Variants in FNIP1 observed in about 807,000 individuals in gnomAD.
The protein encoded by FNIP1 is folliculin interacting protein 1.
A neutral mutation model predicts 124.5 loss-of-function variants in FNIP1; 40 were observed. The ratio of observed to expected loss-of-function variants is 0.32; its 90% CI spans 0.25 to 0.42. The LOEUF (loss-of-function observed/expected upper bound fraction) is 0.42, where lower values mean the gene tolerates loss of function less well. Ranked by LOEUF, FNIP1 falls within the 10% of genes least tolerant of loss-of-function variation. The pLI, the probability that FNIP1 is intolerant of heterozygous loss-of-function variation, is 1.00. For missense variants in FNIP1, 1,176 were observed against 1,403.7 expected, an observed-to-expected ratio of 0.84 and a Z score of 2.59; for synonymous variants, 472 against 470.6, an observed-to-expected ratio of 1.00 and a Z score of -0.04.
intron 1 of FNIP1, among the ~76,000 whole-genome samples, chr5:131,786,799 C>T (rs1477997157): frequency 2.0e-5 from 3 of 152,180 alleles, no homozygotes; most frequent in Non-Finnish European, 4.4e-5. Flanking sequence ...ACGGGATCAC[C>T]AGCTGCCAGC....
intron 2 of FNIP1, among the ~76,000 whole-genome samples, chr5:131,738,934 A>C (rs1183683198): frequency 6.6e-6 from 1 of 150,832 alleles, no homozygotes; most frequent in Non-Finnish European, 1.5e-5. Context: ...CTTCTGCCTC[A>C]GTCTCCCAGT....
chr5:131,796,744 G>C, intron 1 of FNIP1, 86 bp downstream of exon 1: 1 of 1,290,960 alleles, frequency 7.7e-7, no homozygotes, highest in South Asian at 1.4e-5. Flanking sequence ...TTCCGCTCGG[G>C]TCGGAACACC....
intron 1 of FNIP1, among the ~76,000 whole-genome samples, chr5:131,747,879 G>A (rs184972251): frequency 3.3e-5 from 5 of 152,196 alleles, no homozygotes; most frequent in Non-Finnish European, 4.4e-5. Flanking sequence ...AGGTGGAGGA[G>A]AAATACAAGG....
chr5:131,774,278 T>C (rs936306578), intron 1 of FNIP1, among the ~76,000 whole-genome samples: 4 of 152,340 alleles, frequency 2.6e-5, no homozygotes, highest in African/African-American at 4.8e-5. Context: ...TCCTCCCATC[T>C]TGGCCTCCCA....
Position 131,698,959 on chromosome 5 carries a change from C to G in FNIP1, c.1160G>C (p.Ser387Thr), listed in dbSNP as rs1258842550. The change falls in exon 11 of 18, where the codon AGT becomes ACT. Residue 387 changes from serine to threonine, a missense_variant. By Grantham distance (58) the Ser-to-Thr change is moderately conservative. Coordinates refer to ENST00000510461, the MANE Select transcript of FNIP1 (RefSeq NM_133372.3). Reference sequence around the variant, plus strand: ...ATCAACTATTCGATTATATGCCAAACTTCTCTGACTGGCATCAGCTGATCT... The same window carrying G: ...ATCAACTATTCGATTATATGCCAAAGTTCTCTGACTGGCATCAGCTGATCT... Reference protein sequence around the residue: ...SRRSADASQRSLAYNRIVDAL... With the variant: ...SRRSADASQRTLAYNRIVDAL... 6 of 1,611,388 alleles carry G rather than the reference C, an allele frequency of 3.7e-6. No homozygotes were observed. The Admixed American group carries it at 6.7e-5, about 18-fold the overall frequency.
intron 1 of FNIP1, among the ~76,000 whole-genome samples, chr5:131,771,818 C>T (rs933082074): frequency 1.3e-5 from 2 of 152,134 alleles, no homozygotes; most frequent in South Asian, 2.1e-4. Context: ...TTTACCTTCC[C>T]TTCTAAACCA....
At chr5:131,693,094 AC>A (rs1768536954) in intron 11 of FNIP1, among the ~76,000 whole-genome samples, 1 of 151,048 alleles carries the variant, frequency 6.6e-6, no homozygotes, top group African/African-American at 2.4e-5. Flanking sequence ...AATATTATAT[AC>A]TGGAATATTG....
intron 1 of FNIP1, 186 bp downstream of exon 1, chr5:131,796,644 T>G: frequency 1.7e-6 from 1 of 574,388 alleles, no homozygotes; most frequent in Non-Finnish European, 3.0e-6. Context: ...TGGGGTAAAA[T>G]AAAAGGTAGG....
In FNIP1 at chr5:131,776,552, G is replaced by A. The variant is rs1002223776; in HGVS notation, c.92+20278C>T. On this transcript the variant is annotated intron_variant, in intron 1 of 17. Coordinates refer to ENST00000510461, the MANE Select transcript of FNIP1 (RefSeq NM_133372.3). ...TCTTCACATAACAAAATACTAAACA[G>A]CAGCAACTGCTACATGTGGCAATAT... is the stretch of plus-strand genomic sequence containing the variant. Among the ~76,000 whole-genome samples, 35 of 152,124 alleles carry A rather than the reference G, an allele frequency of 2.3e-4. 1 individual carries two copies.
At chr5:131,685,086 A>G (rs1238021105) in intron 11 of FNIP1, among the ~76,000 whole-genome samples, 1 of 152,232 alleles carries the variant, frequency 6.6e-6, no homozygotes. Flanking sequence ...GGTGTAAACA[A>G]AGTAAACTAA....
chr5:131,695,544 C>G (rs988827306), intron 11 of FNIP1, among the ~76,000 whole-genome samples: 2 of 152,056 alleles, frequency 1.3e-5, no homozygotes, highest in African/African-American at 2.4e-5. Context: ...AGAAGATGCA[C>G]GAAAATCAGA....
At chr5:131,745,272 A>G (rs1451562659) in intron 1 of FNIP1, among the ~76,000 whole-genome samples, 2 of 152,094 alleles carry the variant, frequency 1.3e-5, no homozygotes, top group African/African-American at 4.8e-5. Context: ...TAATCCCAGG[A>G]CTTTGGGAGT....
At chr5:131,729,086 C>T (rs1014755563) in intron 3 of FNIP1, among the ~76,000 whole-genome samples, 1 of 152,064 alleles carries the variant, frequency 6.6e-6, no homozygotes, top group Non-Finnish European at 1.5e-5. Flanking sequence ...CTGCCAGATG[C>T]CAGCCGGAGC....
At chr5:131,725,836 T>C (rs1055764567) in intron 3 of FNIP1, among the ~76,000 whole-genome samples, 3 of 152,242 alleles carry the variant, frequency 2.0e-5, no homozygotes, top group African/African-American at 7.2e-5. Flanking sequence ...TATGGGTTTG[T>C]CATAAATAGC....
intron 1 of FNIP1, among the ~76,000 whole-genome samples, chr5:131,784,423 AAGG>A (rs1420665824): frequency 6.6e-6 from 1 of 152,178 alleles, no homozygotes; most frequent in East Asian, 1.9e-4. Context: ...TGAAAGAATG[AAGG>A]AGAAGGGTAT....
intron 15 of FNIP1, among the ~76,000 whole-genome samples, chr5:131,657,783 C>T (rs549811302): frequency 7.2e-5 from 9 of 124,612 alleles, no homozygotes; most frequent in South Asian, 2.7e-4. Flanking sequence ...TTTCAAGATA[C>T]GGATCTTGCA....
At chr5:131,656,361 T>C (rs1209547640) in intron 15 of FNIP1, among the ~76,000 whole-genome samples, 1 of 152,170 alleles carries the variant, frequency 6.6e-6, no homozygotes, top group African/African-American at 2.4e-5. Flanking sequence ...AAAAGGAAAT[T>C]TGTGAAGCTG....
chr5:131,773,832 C>G (rs766420449), intron 1 of FNIP1, among the ~76,000 whole-genome samples: 8 of 151,944 alleles, frequency 5.3e-5, no homozygotes, highest in Non-Finnish European at 1.0e-4. Context: ...ATAGGTTTTA[C>G]CAGGTTGCTA....
At chr5:131,742,188 G>T (rs1770533741) in intron 2 of FNIP1, among the ~76,000 whole-genome samples, 1 of 152,158 alleles carries the variant, frequency 6.6e-6, no homozygotes, top group African/African-American at 2.4e-5. Flanking sequence ...AATAGGCCAG[G>T]CAAAGTGGCT....
Sources: gnomAD v4.1 joint callset for allele counts (sites outside exome capture counted in the v4.1 genomes callset) on GRCh38, gnomAD v4.1.1 for gene constraint, MANE v1.5 for transcripts, NCBI Gene and HGNC (gene_info 2026-07-23, HGNC 2026-07-21) for gene names.